The following PALLD variants were observed in gnomAD, a reference collection of about 807,000 sequenced individuals.
PALLD encodes the protein palladin, cytoskeletal associated protein, also known as palladin.
Under a neutral mutation model 123.5 loss-of-function variants are expected in PALLD, and 61 were observed. The ratio of observed to expected loss-of-function variants is 0.49; its 90% CI spans 0.40 to 0.61. The LOEUF is 0.61. Among genes scored for constraint, PALLD ranks in the 20% least tolerant of loss-of-function variants. PALLD has a pLI of 0.00. For synonymous variants in PALLD, 465 were observed against 496.4 expected, an observed-to-expected ratio of 0.94 and a Z score of 0.84; for missense variants, 1,273 against 1,377.0, an observed-to-expected ratio of 0.92 and a Z score of 1.20.
chr4:168,679,482 GGT>G (rs1457518133), intron 3 of PALLD, among the ~76,000 whole-genome samples: 89 of 117,598 alleles, frequency 7.6e-4, no homozygotes, highest in Non-Finnish European at 1.3e-3. Context: ...GGGGGGGTGT[GGT>G]GTGTGGTGGG....
At chr4:168,554,134 G>A (rs775739456) in intron 2 of PALLD, among the ~76,000 whole-genome samples, 7 of 152,196 alleles carry the variant, frequency 4.6e-5, no homozygotes, top group Middle Eastern at 3.4e-3. Flanking sequence ...CATGAAGCCC[G>A]GTAGCTCTGT....
intron 2 of PALLD, among the ~76,000 whole-genome samples, chr4:168,550,216 T>C (rs1387417073): frequency 6.6e-6 from 1 of 152,204 alleles, no homozygotes; most frequent in Non-Finnish European, 1.5e-5. Context: ...GAAGAGTTCC[T>C]CAGGGCTAAT....
chr4:168,498,880 T>C (rs1240291722), intron 1 of PALLD, among the ~76,000 whole-genome samples: 1 of 152,062 alleles, frequency 6.6e-6, no homozygotes. Context: ...GTTGATAAGA[T>C]GAACAGGACA....
chr4:168,721,555 G>A (rs1346025805), intron 10 of PALLD, among the ~76,000 whole-genome samples: 1 of 151,910 alleles, frequency 6.6e-6, no homozygotes, highest in Non-Finnish European at 1.5e-5. Flanking sequence ...TGGAAATTTG[G>A]GCAGATTATA....
rs996901823 is a variant in PALLD, at chr4:168,877,800, C to A, written c.1965-13122C>A. The A allele has an allele frequency of 4.2e-5, 52 of 1,238,890 alleles. 1 individual carries two copies. In the South Asian group the frequency reaches 7.6e-4, roughly 18 times the overall value. 76.7% of individuals were successfully genotyped at this position (1,238,890 alleles called of 1,614,324 possible). On this transcript the variant is annotated intron_variant, in intron 10 of 21. Transcript: ENST00000505667. ...GCCGGCGCTCGGCAGCCTCCGCCAGCCCCGCGCAGCGCGCCGCCCTCGCCC... is the reference window on the plus strand; with the variant it reads ...GCCGGCGCTCGGCAGCCTCCGCCAGACCCGCGCAGCGCGCCGCCCTCGCCC...
At chr4:168,551,906 A>G (rs1057232527) in intron 2 of PALLD, among the ~76,000 whole-genome samples, 2 of 152,224 alleles carry the variant, frequency 1.3e-5, no homozygotes, top group South Asian at 4.1e-4. Flanking sequence ...TCCAATTTTC[A>G]GATGACACCA....
At chr4:168,804,769 T>C (rs1325666939) in intron 10 of PALLD, among the ~76,000 whole-genome samples, 1 of 152,242 alleles carries the variant, frequency 6.6e-6, no homozygotes, top group Non-Finnish European at 1.5e-5. Context: ...AAATTGTTCT[T>C]TTCACCACAA....
intron 11 of PALLD, among the ~76,000 whole-genome samples, chr4:168,891,854 A>G (rs969073293): frequency 6.6e-6 from 1 of 152,192 alleles, no homozygotes; most frequent in Non-Finnish European, 1.5e-5. Context: ...ACACGCACAC[A>G]AATCTACTAG....
At chr4:168,571,692 C>A (rs368405948) in intron 2 of PALLD, among the ~76,000 whole-genome samples, 1 of 152,126 alleles carries the variant, frequency 6.6e-6, no homozygotes, top group East Asian at 1.9e-4. Flanking sequence ...CTGGTTTTAT[C>A]GGCAGAATGC....
At position 168,927,611 on chromosome 4, in the gene PALLD, C is replaced by CAAGA; in HGVS notation, c.*1432_*1435dup. ...CCATAAAGTATTTTTTCAAAGACAC[C>CAAGA]AAGATGTGGTAAATGAAAATTATTA... On this transcript the variant is annotated 3_prime_UTR_variant, in exon 22 of 22. Coordinates refer to ENST00000505667, the MANE Select transcript of PALLD (RefSeq NM_001166108.2). The CAAGA allele has an allele frequency of 4.4e-6, 1 of 228,074 alleles. No homozygotes were observed. The highest frequency in any genetic ancestry group is 6.2e-5 in the East Asian group (1 of 16,062). 14.1% of individuals were successfully genotyped at this position (228,074 alleles called of 1,614,324 possible).
chr4:168,523,209 C>T (rs571727181), intron 2 of PALLD, among the ~76,000 whole-genome samples: 71 of 89,964 alleles, frequency 7.9e-4, no homozygotes, highest in Admixed American at 6.2e-3. Context: ...TCTTTGAGAA[C>T]GAGAAGAAAG....
chr4:168,670,260 A>G lies in PALLD; in HGVS notation c.1087+1892A>G, dbSNP rs994506810. On this transcript the variant is annotated intron_variant, in intron 3 of 21. Transcript: ENST00000505667. The stretch of plus-strand genomic sequence containing the variant: ...AAATTTTGGGTTGTGCTGCTTTCAT[A>G]CTACAAATATTAAATGAAATCATAT... Among the ~76,000 whole-genome samples, 3 of 152,336 alleles carry G rather than the reference A, an allele frequency of 2.0e-5. No homozygotes were observed. In the South Asian group the frequency reaches 6.2e-4, roughly 32 times the overall value.
At chr4:168,612,377 T>C (rs971040634) in intron 2 of PALLD, among the ~76,000 whole-genome samples, 11 of 152,034 alleles carry the variant, frequency 7.2e-5, no homozygotes, top group Non-Finnish European at 1.3e-4. Context: ...ATTTCTCCCA[T>C]AGTGATAATT....
At chr4:168,693,194 C>T (rs1190704227) in intron 8 of PALLD, among the ~76,000 whole-genome samples, 1 of 147,598 alleles carries the variant, frequency 6.8e-6, no homozygotes. Flanking sequence ...ATCCTACATA[C>T]ACTCCTTCTG....
Position 168,928,240 on chromosome 4 carries a change from A to C in PALLD, c.*2060A>C, listed in dbSNP as rs932672747. The C allele has an allele frequency of 5.5e-6, 1 of 183,136 alleles. No homozygotes were observed. The highest frequency in any genetic ancestry group is 1.2e-5 in the Non-Finnish European group (1 of 85,842). The allele number at this position is 183,136 out of a possible 1,614,324, so 11.3% of individuals were successfully genotyped here. On this transcript the variant is annotated 3_prime_UTR_variant, in exon 22 of 22. Coordinates refer to ENST00000505667, the MANE Select transcript of PALLD (RefSeq NM_001166108.2). ...AATTATGACTTATGTCTTACTTGCC[A>C]AATTTTTCTGAATGTGACCTTTTTT...
chr4:168,912,613 A>G (rs1040547900), intron 15 of PALLD, among the ~76,000 whole-genome samples: 3 of 152,186 alleles, frequency 2.0e-5, no homozygotes, highest in Admixed American at 1.3e-4. Context: ...AGTTGACACA[A>G]TGATTATACA....
At chr4:168,545,602 G>T (rs1766065829) in intron 2 of PALLD, among the ~76,000 whole-genome samples, 1 of 151,236 alleles carries the variant, frequency 6.6e-6, no homozygotes, top group Admixed American at 6.6e-5. Flanking sequence ...TACATACCTT[G>T]TTTGATTTTT....
intron 8 of PALLD, among the ~76,000 whole-genome samples, chr4:168,699,101 CAG>C (rs1336843209): frequency 1.3e-5 from 2 of 152,068 alleles, no homozygotes; most frequent in African/African-American, 4.8e-5. Context: ...TTTTCTGAGA[CAG>C]AGTCTTGATC....
intron 10 of PALLD, among the ~76,000 whole-genome samples, chr4:168,732,885 T>C (rs1787320213): frequency 6.6e-6 from 1 of 152,182 alleles, no homozygotes; most frequent in African/African-American, 2.4e-5. Context: ...ATCATGTAAC[T>C]AAGAGCTCCA....
Sources: gnomAD v4.1 joint callset for allele counts (sites outside exome capture counted in the v4.1 genomes callset) on GRCh38, gnomAD v4.1.1 for gene constraint, MANE v1.5 for transcripts, NCBI Gene and HGNC (gene_info 2026-07-23, HGNC 2026-07-21) for gene names.